The following DRICH1 variants were observed in gnomAD, a reference collection of about 807,000 sequenced individuals.
DRICH1 encodes aspartate rich 1.
DRICH1 carries 38 observed loss-of-function variants against 39.5 expected under a neutral mutation model. The observed-to-expected ratio is 0.96, with a 90% CI of 0.74 to 1.26. The LOEUF is 1.26. DRICH1 is among the 50% of genes most tolerant of loss of function. The pLI is 0.00. For synonymous variants in DRICH1, 84 were observed against 99.5 expected, an observed-to-expected ratio of 0.84 and a Z score of 0.93; for missense variants, 279 against 270.4, an observed-to-expected ratio of 1.03 and a Z score of -0.22.
chr22:23,591,949 G>T, the DRICH1 span, among the ~76,000 whole-genome samples: 1 of 152,188 alleles, frequency 6.6e-6, no homozygotes, highest in Admixed American at 6.5e-5. Flanking sequence ...TGGAGGGGGA[G>T]CAGGCCCTCT....
chr22:23,619,924 C>G (rs1403701185), intron 5 of DRICH1, among the ~76,000 whole-genome samples: 1 of 151,124 alleles, frequency 6.6e-6, no homozygotes, highest in Non-Finnish European at 1.5e-5. Context: ...TGCATCTGGG[C>G]ACACCACAGA....
chr22:23,592,755 C>T, the DRICH1 span, among the ~76,000 whole-genome samples: 2 of 151,148 alleles, frequency 1.3e-5, no homozygotes, highest in African/African-American at 4.9e-5. Flanking sequence ...ACTTTGGGAG[C>T]CTGAGGCAGG....
the DRICH1 span, among the ~76,000 whole-genome samples, chr22:23,601,051 T>C: frequency 3.4e-4 from 52 of 152,294 alleles, no homozygotes; most frequent in Admixed American, 5.9e-4. Flanking sequence ...AATGAAAACT[T>C]ATGTTTAAAC....
At chr22:23,590,886 A>T in the DRICH1 span, among the ~76,000 whole-genome samples, 4 of 152,204 alleles carry the variant, frequency 2.6e-5, no homozygotes, top group African/African-American at 9.7e-5. Context: ...GGCCTCCCAA[A>T]GTGCTAGGAC....
chr22:23,611,858 A>T (rs188217469), intron 11 of DRICH1, among the ~76,000 whole-genome samples: 3 of 152,308 alleles, frequency 2.0e-5, no homozygotes, highest in Non-Finnish European at 2.9e-5. Flanking sequence ...TCATTACAGT[A>T]AAACAACACT....
At chr22:23,605,312 C>T (rs1926667833), downstream of DRICH1, among the ~76,000 whole-genome samples, 1 of 152,118 alleles carries the variant, frequency 6.6e-6, no homozygotes, top group Non-Finnish European at 1.5e-5. Context: ...ACAGGTCCTC[C>T]CCAGGGCCTT....
chr22:23,596,289 CAG>C, the DRICH1 span, among the ~76,000 whole-genome samples: 103 of 152,276 alleles, frequency 6.8e-4, 2 homozygotes, highest in African/African-American at 2.5e-3. Flanking sequence ...CCCCTTTTGA[CAG>C]AGTCTTGCAT....
intron 11 of DRICH1, among the ~76,000 whole-genome samples, chr22:23,611,823 G>A (rs541576566): frequency 6.6e-6 from 1 of 152,266 alleles, no homozygotes; most frequent in African/African-American, 2.4e-5. Flanking sequence ...GGTGAGGCGG[G>A]TGTAAACAAA....
chr22:23,582,441 C>T, the DRICH1 span, among the ~76,000 whole-genome samples: 1 of 151,810 alleles, frequency 6.6e-6, no homozygotes, highest in Non-Finnish European at 1.5e-5. Context: ...ATGCTAGTTC[C>T]CATCTCTATA....
chr22:23,616,468 C>A (rs1927353169), intron 8 of DRICH1, among the ~76,000 whole-genome samples: 1 of 152,214 alleles, frequency 6.6e-6, no homozygotes, highest in Non-Finnish European at 1.5e-5. Context: ...CCCTGCCAAG[C>A]AGCAGGTATA....
In DRICH1 at chr22:23,620,678, G is replaced by T. The variant is rs930620630; in HGVS notation, c.385-63C>A. On this transcript the variant is annotated intron_variant, in intron 4 of 11. Transcript: ENST00000317749. ...TCAATTCTGCTGCACCCCTTACACAGATCTGTTATTCTCTTGATGACTTCA... is the reference window on the plus strand; with the variant it reads ...TCAATTCTGCTGCACCCCTTACACATATCTGTTATTCTCTTGATGACTTCA... The T allele has an allele frequency of 1.9e-6, 3 of 1,572,286 alleles. No homozygotes were observed. In the African/African-American group the frequency reaches 4.0e-5, roughly 21 times the overall value.
chr22:23,626,358 A>G (rs996195901), intron 1 of DRICH1, among the ~76,000 whole-genome samples: 3 of 152,244 alleles, frequency 2.0e-5, no homozygotes, highest in African/African-American at 7.2e-5. Flanking sequence ...ATCATTAAAT[A>G]TCAGAGCAAG....
At chr22:23,622,878 G>C (rs1312050530) in intron 3 of DRICH1, among the ~76,000 whole-genome samples, 1 of 152,150 alleles carries the variant, frequency 6.6e-6, no homozygotes, top group Non-Finnish European at 1.5e-5. Flanking sequence ...CACACAGCCT[G>C]CTCTAACTAC....
the DRICH1 span, among the ~76,000 whole-genome samples, chr22:23,596,513 C>T: frequency 6.6e-6 from 1 of 152,206 alleles, no homozygotes; most frequent in Non-Finnish European, 1.5e-5. Flanking sequence ...CCGTGGCCTC[C>T]CCGCTCTGCA....
chr22:23,632,131 C>G lies in DRICH1; in HGVS notation c.-108G>C, dbSNP rs144926346. On this transcript the variant is annotated 5_prime_UTR_variant, in exon 1 of 12. Transcript: ENST00000317749. ...GGTGGCCCTGCACTTTTAGAAGCAG[C>G]CTGACCCCAGGCAGATCTGGGTCCT... 4.6e-6 allele frequency: 7 copies of G among 1,521,642 alleles called. No homozygotes were observed. Among genetic ancestry groups the G allele is most frequent in the East Asian group, 2.4e-5 (1 of 41,562 alleles). 94.3% of individuals were successfully genotyped at this position (1,521,642 alleles called of 1,614,324 possible).
At chr22:23,612,521 T>C (rs1927100641) in intron 11 of DRICH1, among the ~76,000 whole-genome samples, 1 of 142,036 alleles carries the variant, frequency 7.0e-6, no homozygotes, top group Non-Finnish European at 1.5e-5. Flanking sequence ...GAATAGCAAC[T>C]TAGAGAACAA....
the DRICH1 span, among the ~76,000 whole-genome samples, chr22:23,585,483 T>C: frequency 2.6e-5 from 4 of 152,134 alleles, no homozygotes; most frequent in South Asian, 6.2e-4. Context: ...GTTCTAGTTA[T>C]ATATTTGGTT....
intron 3 of DRICH1, 64 bp downstream of exon 3, chr22:23,624,819 G>T (rs973033714): frequency 1.9e-6 from 3 of 1,550,538 alleles, no homozygotes; most frequent in African/African-American, 2.7e-5. Flanking sequence ...TCCAGATTAA[G>T]GTTTCTATAT....
At chr22:23,613,399 T>C (rs1927160927) in intron 10 of DRICH1, 69 bp from the exon 11 acceptor site, 2 of 1,311,334 alleles carry the variant, frequency 1.5e-6, no homozygotes, top group Non-Finnish European at 2.2e-6. Context: ...TACTTTACTT[T>C]AGCTGAAGCT....
Sources: allele counts gnomAD v4.1 joint callset (sites outside exome capture counted in the v4.1 genomes callset), GRCh38; gene constraint gnomAD v4.1.1; transcripts MANE v1.5; gene names NCBI Gene and HGNC (gene_info 2026-07-23, HGNC 2026-07-21).